Variants in CUL4A observed in about 807,000 individuals in gnomAD.
CUL4A encodes cullin-4A.
Under a neutral mutation model 95.5 loss-of-function variants are expected in CUL4A, and 16 were observed. The ratio of observed to expected loss-of-function variants is 0.17; its 90% CI spans 0.11 to 0.25. CUL4A has a LOEUF of 0.25. Among genes scored for constraint, CUL4A ranks in the 10% least tolerant of loss-of-function variants. CUL4A has a pLI of 1.00. For missense variants in CUL4A, 610 were observed against 937.0 expected, an observed-to-expected ratio of 0.65 and a Z score of 4.56; for synonymous variants, 380 against 353.1, an observed-to-expected ratio of 1.08 and a Z score of -0.85.
intron 9 of CUL4A, 61 bp from the exon 10 acceptor site, chr13:113,239,372 A>G: frequency 7.3e-7 from 1 of 1,369,982 alleles, no homozygotes; most frequent in Admixed American, 1.7e-5. Context: ...GCTGTATTCT[A>G]GTTGAGTTGT....
chr13:113,214,603 T>G (rs1450893844), intron 2 of CUL4A, among the ~76,000 whole-genome samples: 1 of 152,160 alleles, frequency 6.6e-6, no homozygotes, highest in Non-Finnish European at 1.5e-5. Context: ...TCCTCCTGCC[T>G]TGGCCTCCCG....
chr13:113,260,991 T>C (rs1172276520), intron 19 of CUL4A, among the ~76,000 whole-genome samples: 1 of 152,198 alleles, frequency 6.6e-6, no homozygotes, highest in East Asian at 1.9e-4. Context: ...TGGTGCGCGC[T>C]TGTTCATATT....
chr13:113,220,244 T>C (rs369913721), intron 3 of CUL4A, among the ~76,000 whole-genome samples: 1 of 152,188 alleles, frequency 6.6e-6, no homozygotes, highest in African/African-American at 2.4e-5. Flanking sequence ...GGGTGAGAGG[T>C]CTCTGTTTAG....
chr13:113,239,977 C>A (rs1306526712), intron 10 of CUL4A, among the ~76,000 whole-genome samples: 1 of 152,154 alleles, frequency 6.6e-6, no homozygotes, highest in African/African-American at 2.4e-5. Context: ...TATTTCTTAA[C>A]GGTCCAAATT....
intron 15 of CUL4A, among the ~76,000 whole-genome samples, chr13:113,250,511 T>C (rs1354799230): frequency 6.6e-6 from 1 of 152,204 alleles, no homozygotes; most frequent in Non-Finnish European, 1.5e-5. Context: ...TTTATAGTTT[T>C]AGCTCATATG....
intron 3 of CUL4A, 54 bp from the exon 4 acceptor site, chr13:113,227,922 A>AAAT: frequency 7.0e-6 from 8 of 1,137,838 alleles, no homozygotes; most frequent in Non-Finnish European, 1.0e-5. Context: ...AAAAAAAAAA[A>AAAT]GGTAATAATT....
At chr13:113,212,511 A>G (rs2040487503) in intron 2 of CUL4A, among the ~76,000 whole-genome samples, 1 of 152,180 alleles carries the variant, frequency 6.6e-6, no homozygotes, top group African/African-American at 2.4e-5. Context: ...AGTCGGGTGC[A>G]GTGGCTCATG....
chr13:113,236,379 A>G (rs570074978), intron 8 of CUL4A, among the ~76,000 whole-genome samples: 234 of 152,312 alleles, frequency 1.5e-3, no homozygotes, highest in Middle Eastern at 6.8e-3. Context: ...CGGCAGCCAC[A>G]GCGAAGCCCC....
intron 5 of CUL4A, among the ~76,000 whole-genome samples, chr13:113,231,699 C>T (rs1393199895): frequency 6.6e-6 from 1 of 152,184 alleles, no homozygotes; most frequent in Non-Finnish European, 1.5e-5. Context: ...CAGGGTCACA[C>T]AGCTAGCAAG....
At position 113,255,600 on chromosome 13, in the gene CUL4A, C is replaced by G. The variant is rs943442842; in HGVS notation, c.2031+475C>G. On this transcript the variant is annotated intron_variant, in intron 18 of 19. Coordinates refer to ENST00000375440, the MANE Select transcript of CUL4A (RefSeq NM_001008895.4). ...CCTCCGAGCCCCTGGCAACCCCTGA[C>G]CCTGTTACTGTCACCATAGTTTTGC... is the stretch of plus-strand genomic sequence containing the variant. Among the ~76,000 whole-genome samples the G allele has an allele frequency of 3.9e-5, 6 of 152,290 alleles. No individual in the cohort carries two copies. The South Asian group carries it at 1.0e-3, about 26-fold the overall frequency.
chr13:113,254,919 C>A (rs367930361), intron 17 of CUL4A, 34 bp from the exon 18 acceptor site: 14 of 1,607,636 alleles, frequency 8.7e-6, no homozygotes, highest in African/African-American at 1.3e-5. Context: ...ATTCGTTTAA[C>A]GCCAGCCTTT....
intron 15 of CUL4A, among the ~76,000 whole-genome samples, chr13:113,248,208 C>T (rs991264624): frequency 2.0e-5 from 3 of 152,188 alleles, no homozygotes; most frequent in East Asian, 1.9e-4. Flanking sequence ...ACCTGTGTGG[C>T]GATTCCTGGC....
At chr13:113,209,539 G>C (rs1248242766), upstream of CUL4A, 10 of 766,422 alleles carry the variant, frequency 1.3e-5, no homozygotes, top group Admixed American at 6.5e-5. Flanking sequence ...CGAGGAGGAC[G>C]GGGCGGAGGC....
intron 7 of CUL4A, among the ~76,000 whole-genome samples, chr13:113,234,274 A>G (rs924165883): frequency 6.6e-6 from 1 of 152,246 alleles, no homozygotes; most frequent in African/African-American, 2.4e-5. Context: ...TGATAAAAAC[A>G]TACATGAAAA....
intron 3 of CUL4A, among the ~76,000 whole-genome samples, chr13:113,221,981 C>G (rs2040915810): frequency 1.3e-5 from 2 of 152,216 alleles, no homozygotes; most frequent in East Asian, 3.9e-4. Flanking sequence ...GATGTCTGGG[C>G]CATGTCCTAA....
chr13:113,246,580 A>C (rs752972601), intron 15 of CUL4A, among the ~76,000 whole-genome samples: 2 of 152,210 alleles, frequency 1.3e-5, no homozygotes, highest in Admixed American at 1.3e-4. Flanking sequence ...GCCTGCAATC[A>C]TGGAAGACTT....
Position 113,210,069 on chromosome 13 carries a change from A to G in CUL4A, c.245A>G (p.Asn82Ser). Residue 82 changes from asparagine (N) to serine (S), a missense_variant, in exon 2 of 20, where the codon AAC becomes AGC. Coordinates refer to ENST00000375440, the MANE Select transcript of CUL4A (RefSeq NM_001008895.4). ...CAGAGCAGCACCTCCATCAGGTACA[A>G]CCTCGAGGAGCTCTACCAGGTGAGG... Reference protein sequence around the residue: ...AVQSSTSIRYNLEELYQAVEN... With the variant: ...AVQSSTSIRYSLEELYQAVEN... The G allele has an allele frequency of 1.3e-6, 2 of 1,512,306 alleles. No individual in the cohort carries two copies. Among genetic ancestry groups the G allele is most frequent in the African/African-American group, 1.5e-5 (1 of 68,744 alleles). The allele number at this position is 1,512,306 out of a possible 1,614,324, so 93.7% of individuals were successfully genotyped here.
upstream of CUL4A, chr13:113,208,374 G>A (rs1256107474): frequency 6.3e-6 from 9 of 1,434,484 alleles, no homozygotes; most frequent in African/African-American, 1.2e-4. Flanking sequence ...CGCGATCCAC[G>A]GACACCGCCC....
At chr13:113,209,476 C>G (rs1356613951), upstream of CUL4A, 1 of 261,568 alleles carries the variant, frequency 3.8e-6, no homozygotes, top group Non-Finnish European at 5.7e-6. Flanking sequence ...CAGGAGTAGC[C>G]GGGCGCGGCG....
Sources: gnomAD v4.1 joint callset for allele counts (sites outside exome capture counted in the v4.1 genomes callset) on GRCh38, gnomAD v4.1.1 for gene constraint, MANE v1.5 for transcripts, NCBI Gene and HGNC (gene_info 2026-07-23, HGNC 2026-07-21) for gene names.